The following EHBP1 variants were observed in gnomAD, a reference collection of about 807,000 sequenced individuals.
The protein encoded by EHBP1 is EH domain binding protein 1.
In EHBP1, 55 loss-of-function variants were observed where a neutral mutation model predicts 144.0. That is an observed-to-expected ratio of 0.38 (90% CI 0.31 to 0.48). The LOEUF (loss-of-function observed/expected upper bound fraction) is 0.48, where lower values mean the gene tolerates loss of function less well. EHBP1 is among the 20% of genes least tolerant of loss of function. EHBP1 has a pLI of 0.98. For synonymous variants in EHBP1, 469 were observed against 472.7 expected (o/e 0.99, Z 0.10); for missense variants, 1,200 against 1,364.2 (o/e 0.88, Z 1.90).
chr2:62,803,344 A>G (rs2044186153), intron 5 of EHBP1, among the ~76,000 whole-genome samples: 1 of 152,166 alleles, frequency 6.6e-6, no homozygotes, highest in Non-Finnish European at 1.5e-5. Flanking sequence ...TTATTTTGAT[A>G]GTTTTATTGC....
chr2:62,932,030 A>C (rs1257760741), intron 10 of EHBP1, among the ~76,000 whole-genome samples: 3 of 151,918 alleles, frequency 2.0e-5, no homozygotes, highest in African/African-American at 7.3e-5. Context: ...TATAAAAATT[A>C]CCCAGGGATG....
At chr2:62,763,547 A>G (rs2152316928) in intron 3 of EHBP1, among the ~76,000 whole-genome samples, 1 of 152,310 alleles carries the variant, frequency 6.6e-6, no homozygotes, top group Non-Finnish European at 1.5e-5. Context: ...GTCCATGGAC[A>G]GTCCTGTAGC....
At chr2:62,845,564 G>T (rs2048233827) in intron 7 of EHBP1, among the ~76,000 whole-genome samples, 4 of 151,964 alleles carry the variant, frequency 2.6e-5, no homozygotes, top group Admixed American at 2.0e-4. Context: ...TTATTAGAAG[G>T]TTCCTTAAAA....
intron 5 of EHBP1, among the ~76,000 whole-genome samples, chr2:62,792,596 C>T (rs1024278559): frequency 3.9e-5 from 6 of 152,000 alleles, no homozygotes; most frequent in African/African-American, 1.4e-4. Context: ...AAAATTTGAC[C>T]TTACTCAGCT....
intron 5 of EHBP1, among the ~76,000 whole-genome samples, chr2:62,823,392 G>C (rs527421495): frequency 6.6e-6 from 1 of 151,808 alleles, no homozygotes; most frequent in African/African-American, 2.4e-5. Context: ...TCTCATTCTT[G>C]TTCTTTTGTC....
intron 5 of EHBP1, chr2:62,772,272 T>C (rs2041728174): frequency 6.6e-6 from 1 of 151,974 alleles, no homozygotes. Context: ...TTTATTTGGG[T>C]TGAGAGATCC....
chr2:62,936,452 A>G (rs138298924), intron 10 of EHBP1, among the ~76,000 whole-genome samples: 93 of 152,194 alleles, frequency 6.1e-4, no homozygotes, highest in Middle Eastern at 6.8e-3. Context: ...CTTAGGTACT[A>G]TATTATTATT....
chr2:62,770,416 C>T (rs2041571514), intron 4 of EHBP1, among the ~76,000 whole-genome samples: 1 of 152,178 alleles, frequency 6.6e-6, no homozygotes, highest in African/African-American at 2.4e-5. Flanking sequence ...AAAAAAAGTT[C>T]AACATCAGTG....
intron 13 of EHBP1, 139 bp downstream of exon 13, chr2:62,949,301 A>AC: frequency 2.6e-6 from 2 of 761,204 alleles, no homozygotes; most frequent in Non-Finnish European, 3.9e-6. Flanking sequence ...GGCATGTAGT[A>AC]ATGTGTGCCT....
At chr2:62,835,335 T>C (rs1321620438) in intron 7 of EHBP1, among the ~76,000 whole-genome samples, 1 of 152,220 alleles carries the variant, frequency 6.6e-6, no homozygotes, top group South Asian at 2.1e-4. Flanking sequence ...TCTTAGATTT[T>C]CTGTATTTAA....
intron 13 of EHBP1, among the ~76,000 whole-genome samples, chr2:62,955,052 T>G (rs1323858646): frequency 1.3e-5 from 2 of 152,080 alleles, no homozygotes; most frequent in African/African-American, 4.8e-5. Context: ...AGCTTTGAAT[T>G]TTCTATAAAC....
intron 7 of EHBP1, among the ~76,000 whole-genome samples, chr2:62,836,702 C>G (rs1370680668): frequency 8.1e-6 from 1 of 123,894 alleles, no homozygotes; most frequent in African/African-American, 3.1e-5. Flanking sequence ...GCAGAAGCCT[C>G]AGGAGCCGAT....
chr2:62,836,217 C>T (rs1405707209), intron 7 of EHBP1, among the ~76,000 whole-genome samples: 3 of 152,120 alleles, frequency 2.0e-5, no homozygotes, highest in African/African-American at 7.2e-5. Flanking sequence ...GGGAGGCACC[C>T]CCCAGCAGGG....
intron 2 of EHBP1, among the ~76,000 whole-genome samples, chr2:62,740,185 A>G (rs2038568305): frequency 6.6e-6 from 1 of 152,178 alleles, no homozygotes; most frequent in Non-Finnish European, 1.5e-5. Context: ...CTGTTAAAAT[A>G]TTTTTAAACA....
intron 16 of EHBP1, among the ~76,000 whole-genome samples, chr2:62,991,057 G>A (rs555459329): frequency 4.6e-5 from 7 of 152,008 alleles, no homozygotes; most frequent in Non-Finnish European, 1.0e-4. Context: ...AGACCAGCCT[G>A]GGCAACATAT....
chr2:62,728,124 T>C (rs957728191), intron 2 of EHBP1, among the ~76,000 whole-genome samples: 2 of 152,230 alleles, frequency 1.3e-5, no homozygotes, highest in African/African-American at 4.8e-5. Flanking sequence ...AAGCATTCTT[T>C]CCTGAAGTGG....
At chr2:62,958,964 G>A (rs1183609351) in intron 14 of EHBP1, among the ~76,000 whole-genome samples, 1 of 152,102 alleles carries the variant, frequency 6.6e-6, no homozygotes, top group Non-Finnish European at 1.5e-5. Flanking sequence ...ATGTTTTATT[G>A]CAGGTCTGCA....
At chr2:62,934,417 C>T (rs1318009591) in intron 10 of EHBP1, among the ~76,000 whole-genome samples, 1 of 152,158 alleles carries the variant, frequency 6.6e-6, no homozygotes, top group East Asian at 1.9e-4. Context: ...TATTGATTAA[C>T]TTTCCTTTTC....
chr2:62,784,758 A>T (rs2042691564), intron 5 of EHBP1, among the ~76,000 whole-genome samples: 1 of 152,170 alleles, frequency 6.6e-6, no homozygotes, highest in Non-Finnish European at 1.5e-5. Flanking sequence ...GAAGCTATCA[A>T]CATGAGCCCT....
Sources: gnomAD v4.1 joint callset for allele counts (sites outside exome capture counted in the v4.1 genomes callset) on GRCh38, gnomAD v4.1.1 for gene constraint, MANE v1.5 for transcripts, NCBI Gene and HGNC (gene_info 2026-07-23, HGNC 2026-07-21) for gene names.